KIF16B: variants seen among roughly 807,000 people sequenced by gnomAD.
KIF16B encodes the protein kinesin family member 16B.
In KIF16B, 98 loss-of-function variants were observed where a neutral mutation model predicts 156.3. That is an observed-to-expected ratio of 0.63 (90% CI 0.53 to 0.74). KIF16B has a LOEUF of 0.74. Ranked by LOEUF, KIF16B falls within the 30% of genes least tolerant of loss-of-function variation. The pLI is 0.00. For synonymous variants in KIF16B, 564 were observed against 583.7 expected, an observed-to-expected ratio of 0.97 and a Z score of 0.49; for missense variants, 1,421 against 1,606.5, an observed-to-expected ratio of 0.88 and a Z score of 1.97.
intron 12 of KIF16B, among the ~76,000 whole-genome samples, chr20:16,457,212 T>G (rs2067234639): frequency 6.6e-6 from 1 of 152,190 alleles, no homozygotes; most frequent in African/African-American, 2.4e-5. Flanking sequence ...TGTTTCATTT[T>G]TTTTTAAGAA....
Position 16,295,214 on chromosome 20 carries a change from C to T in KIF16B, c.3795+17121G>A, listed in dbSNP as rs528376480. ...TTGCCCAGGGTCATAGTGCATATCC[C>T]CCGGGCCAGACCATGGTGTCTCCAT... On this transcript the variant is annotated intron_variant, in intron 25 of 25. Coordinates refer to ENST00000354981, the MANE Select transcript of KIF16B (RefSeq NM_024704.5). 4.6e-5 allele frequency among the ~76,000 whole-genome samples: 7 copies of T among 152,238 alleles called. No homozygotes were observed. In the East Asian group the frequency reaches 7.7e-4, roughly 17 times the overall value.
At chr20:16,468,199 A>C (rs566617158) in intron 12 of KIF16B, among the ~76,000 whole-genome samples, 7 of 152,344 alleles carry the variant, frequency 4.6e-5, no homozygotes, top group Admixed American at 4.6e-4. Flanking sequence ...ATGCTACTCT[A>C]ATCAAAAGAA....
rs1183280908 is a variant in KIF16B, at chr20:16,379,593, C to T, written c.2409G>A (p.Arg803=). 2 of 1,613,982 alleles carry T rather than the reference C, an allele frequency of 1.2e-6. No homozygotes were observed. Among genetic ancestry groups the T allele is most frequent in the Non-Finnish European group, 1.7e-6 (2 of 1,179,996 alleles). The change falls in exon 19 of 26, where the codon CGG becomes CGA. Residue 803 remains arginine (R), a synonymous_variant. Coordinates refer to ENST00000354981, the MANE Select transcript of KIF16B (RefSeq NM_024704.5). ...CCCCTCCGGCACGAGCCTCCTTCAC[C>T]CGCAGGAGGGATTCCCGAATGCCTT... ...DLEGIRESLL[R]VKEARAGGDE... is the part of the protein sequence containing the mutation.
chr20:16,438,698 G>T (rs2066713606), intron 12 of KIF16B, among the ~76,000 whole-genome samples: 1 of 152,020 alleles, frequency 6.6e-6, no homozygotes. Context: ...CTCCTCCTTT[G>T]GTCCATAAAA....
chr20:16,512,726 GGA>G, intron 5 of KIF16B, 98 bp downstream of exon 5: 2 of 707,282 alleles, frequency 2.8e-6, no homozygotes, highest in Non-Finnish European at 4.9e-6. Flanking sequence ...TTTTTCTTTA[GGA>G]ATCTAAAGAC....
chr20:16,446,462 C>A (rs933825463), intron 12 of KIF16B, among the ~76,000 whole-genome samples: 2 of 152,156 alleles, frequency 1.3e-5, no homozygotes, highest in Non-Finnish European at 2.9e-5. Context: ...TGTTCCCCTG[C>A]ACCATCTTGA....
chr20:16,277,476 T>TATAC (rs1033122633), intron 25 of KIF16B, among the ~76,000 whole-genome samples: 1 of 145,214 alleles, frequency 6.9e-6, no homozygotes, highest in African/African-American at 2.5e-5. Flanking sequence ...TATATATATA[T>TATAC]ATAAAATATT....
At position 16,329,717 on chromosome 20, in the gene KIF16B, T is replaced by C. The variant is rs535076844; in HGVS notation, c.3711+6209A>G. 5.9e-5 allele frequency among the ~76,000 whole-genome samples: 9 copies of C among 152,262 alleles called. No homozygotes were observed. In the East Asian group the frequency reaches 1.7e-3, roughly 29 times the overall value. On this transcript the variant is annotated intron_variant, in intron 24 of 25. Coordinates refer to ENST00000354981, the MANE Select transcript of KIF16B (RefSeq NM_024704.5). ...TGCCAGAAGGAGCTATTATCTTGCATAATACATGTCAATAGATGAAGAGGA... is the reference window on the plus strand; with the variant it reads ...TGCCAGAAGGAGCTATTATCTTGCACAATACATGTCAATAGATGAAGAGGA...
chr20:16,512,856 C>T lies in KIF16B; in HGVS notation c.416G>A (p.Trp139Ter), dbSNP rs1298436150. ...LFSRINETTR[W>*]DEASFRTEVS... Reference sequence around the variant, plus strand: ...TTCAGTTCGAAAAGAAGCTTCATCCCATCTGGTGGTTTCATTTATCCGACT... The same window carrying T: ...TTCAGTTCGAAAAGAAGCTTCATCCTATCTGGTGGTTTCATTTATCCGACT... Residue 139 changes from tryptophan to a stop codon, truncating the protein, a stop_gained, in exon 5 of 26, where the codon TGG becomes TAG. Transcript: ENST00000354981. LOFTEE classifies it high-confidence loss of function. The T allele has an allele frequency of 2.5e-6, 4 of 1,613,832 alleles. No homozygotes were observed. The highest frequency in any genetic ancestry group is 4.5e-5 in the East Asian group (2 of 44,894).
At chr20:16,280,939 G>T (rs924017528) in intron 25 of KIF16B, among the ~76,000 whole-genome samples, 5 of 151,764 alleles carry the variant, frequency 3.3e-5, no homozygotes, top group African/African-American at 1.2e-4. Context: ...CTTATCTGCT[G>T]GCTCTCTGCC....
intron 22 of KIF16B, among the ~76,000 whole-genome samples, chr20:16,356,981 A>G (rs1281922342): frequency 6.6e-6 from 1 of 152,134 alleles, no homozygotes; most frequent in Non-Finnish European, 1.5e-5. Flanking sequence ...AATCTCAAGT[A>G]TTTTCTTTAG....
intron 1 of KIF16B, among the ~76,000 whole-genome samples, chr20:16,563,052 A>G (rs753061394): frequency 5.3e-5 from 8 of 152,262 alleles, no homozygotes; most frequent in Non-Finnish European, 1.0e-4. Flanking sequence ...TAAATTCTAC[A>G]TATCCCACTG....
intron 3 of KIF16B, among the ~76,000 whole-genome samples, chr20:16,522,964 G>A (rs1289331796): frequency 6.6e-6 from 1 of 152,046 alleles, no homozygotes; most frequent in Non-Finnish European, 1.5e-5. Context: ...CGCAGAAAAG[G>A]CCTTCGAAAA....
In KIF16B at chr20:16,478,420, T is replaced by C. The variant is rs367815377; in HGVS notation, c.1302+15871A>G. Among the ~76,000 whole-genome samples, 9 of 152,294 alleles carry C rather than the reference T, an allele frequency of 5.9e-5. No homozygotes were observed. The South Asian group carries it at 1.2e-3, about 21-fold the overall frequency. On this transcript the variant is annotated intron_variant, in intron 12 of 25. Transcript: ENST00000354981. ...GTATCTACTAAAGCTAAACATGTAA[T>C]AGTCCCCCTTTATCCACGGCTTTAC...
intron 25 of KIF16B, among the ~76,000 whole-genome samples, chr20:16,310,077 T>C (rs1288968866): frequency 1.3e-5 from 2 of 152,244 alleles, no homozygotes; most frequent in African/African-American, 4.8e-5. Flanking sequence ...GAAGGTTACT[T>C]ATACTTGCTC....
At chr20:16,449,484 G>A (rs2067022336) in intron 12 of KIF16B, among the ~76,000 whole-genome samples, 1 of 152,150 alleles carries the variant, frequency 6.6e-6, no homozygotes, top group South Asian at 2.1e-4. Context: ...ATGTGCAAAA[G>A]TAGCAAAATC....
intron 22 of KIF16B, among the ~76,000 whole-genome samples, chr20:16,364,282 TC>T (rs2123223579): frequency 6.6e-6 from 1 of 152,290 alleles, no homozygotes; most frequent in South Asian, 2.1e-4. Context: ...TTAATCAAAT[TC>T]AGATGAAATC....
intron 18 of KIF16B, among the ~76,000 whole-genome samples, chr20:16,380,828 T>C (rs1024411239): frequency 6.6e-6 from 1 of 152,170 alleles, no homozygotes; most frequent in Non-Finnish European, 1.5e-5. Flanking sequence ...GGAGAACAAA[T>C]GATCTCCACT....
intron 25 of KIF16B, among the ~76,000 whole-genome samples, chr20:16,277,492 T>C (rs919386350): frequency 1.8e-4 from 27 of 149,134 alleles, no homozygotes; most frequent in African/African-American, 6.6e-4. Context: ...ATATTTAAAA[T>C]ATACATACTT....
Sources: gnomAD v4.1 joint callset for allele counts (sites outside exome capture counted in the v4.1 genomes callset) on GRCh38, gnomAD v4.1.1 for gene constraint, MANE v1.5 for transcripts, NCBI Gene and HGNC (gene_info 2026-07-23, HGNC 2026-07-21) for gene names.